Variants in HS2ST1 observed in about 807,000 individuals in gnomAD.
HS2ST1 encodes the protein 2-O-sulfotransferase.
In HS2ST1, 18 loss-of-function variants were observed where a neutral mutation model predicts 42.9. The observed-to-expected ratio is 0.42, with a 90% CI of 0.29 to 0.62. HS2ST1 has a LOEUF of 0.62. Ranked by LOEUF, HS2ST1 falls within the 20% of genes least tolerant of loss-of-function variation. HS2ST1 has a pLI of 0.21. For synonymous variants in HS2ST1, 146 were observed against 152.9 expected (o/e 0.95, Z 0.33); for missense variants, 334 against 433.8 (o/e 0.77, Z 2.04).
intron 1 of HS2ST1, among the ~76,000 whole-genome samples, chr1:87,004,762 T>TC (rs1161160531): frequency 2.6e-5 from 4 of 152,220 alleles, no homozygotes; most frequent in Admixed American, 2.6e-4. Context: ...CTATAGAGCT[T>TC]CAAGTTTTTT....
At chr1:86,962,054 T>C (rs561210921) in intron 1 of HS2ST1, among the ~76,000 whole-genome samples, 3 of 152,296 alleles carry the variant, frequency 2.0e-5, no homozygotes, top group Admixed American at 2.0e-4. Context: ...AATGCTGCCA[T>C]AAATGTTCTA....
intron 1 of HS2ST1, among the ~76,000 whole-genome samples, chr1:87,020,477 G>C (rs1030658921): frequency 6.6e-6 from 1 of 152,178 alleles, no homozygotes; most frequent in African/African-American, 2.4e-5. Context: ...CTCAAAAGGA[G>C]CATTGTATTT....
At chr1:87,061,301 A>G (rs1245628738) in intron 1 of HS2ST1, among the ~76,000 whole-genome samples, 1 of 152,158 alleles carries the variant, frequency 6.6e-6, no homozygotes, top group East Asian at 1.9e-4. Flanking sequence ...ATTCACTGGC[A>G]TTTGGAACAT....
intron 3 of HS2ST1, among the ~76,000 whole-genome samples, chr1:87,087,635 A>G (rs1651846470): frequency 6.6e-6 from 1 of 152,128 alleles, no homozygotes. Flanking sequence ...TAGTTAATAT[A>G]TAGAGTCATG....
chr1:86,976,588 C>G (rs1050625019), intron 1 of HS2ST1, among the ~76,000 whole-genome samples: 1 of 151,060 alleles, frequency 6.6e-6, no homozygotes, highest in Non-Finnish European at 1.5e-5. Flanking sequence ...CCACTTTTGA[C>G]AAATTCAATG....
chr1:87,071,233 T>C (rs1413926222), intron 1 of HS2ST1, among the ~76,000 whole-genome samples: 1 of 152,198 alleles, frequency 6.6e-6, no homozygotes, highest in Admixed American at 6.5e-5. Flanking sequence ...ATGGTGTCCA[T>C]ATCTTTTCAA....
At chr1:87,034,146 A>G (rs575200684) in intron 1 of HS2ST1, among the ~76,000 whole-genome samples, 1 of 152,362 alleles carries the variant, frequency 6.6e-6, no homozygotes, top group African/African-American at 2.4e-5. Context: ...TCAAAGTGTC[A>G]AAACAAAAAT....
In HS2ST1 at chr1:87,072,985, T is replaced by C. The variant is rs1469402875; in HGVS notation, c.176T>C (p.Met59Thr). 1.2e-6 allele frequency: 2 copies of C among 1,614,072 alleles called. No homozygotes were observed. Among genetic ancestry groups the C allele is most frequent in the East Asian group, 2.2e-5 (1 of 44,838 alleles). Residue 59 changes from methionine to threonine, a missense_variant, in exon 2 of 7, where the codon ATG (methionine) becomes ACG (threonine). By Grantham distance (81) the Met-to-Thr change is moderately conservative. Transcript: ENST00000370550. ...CGAGAAATTGAGCAGCGACATACAA[T>C]GGATGGCCCTCGGCAAGATGCCACT... Reference protein sequence around the residue: ...EVREIEQRHTMDGPRQDATLD... With the variant: ...EVREIEQRHTTDGPRQDATLD...
chr1:86,993,242 G>A (rs886481962), intron 1 of HS2ST1: 2 of 1,278,200 alleles, frequency 1.6e-6, no homozygotes, highest in African/African-American at 3.0e-5. Context: ...ACCATACTTA[G>A]AAATCTAAAA....
intron 1 of HS2ST1, among the ~76,000 whole-genome samples, chr1:86,953,861 A>C (rs147061144): frequency 7.9e-5 from 12 of 152,070 alleles, no homozygotes; most frequent in Admixed American, 7.2e-4. Context: ...GCCTAATTTC[A>C]ATATTGTTGT....
chr1:87,030,023 G>T (rs574533760), intron 1 of HS2ST1, among the ~76,000 whole-genome samples: 1 of 152,088 alleles, frequency 6.6e-6, no homozygotes, highest in African/African-American at 2.4e-5. Context: ...AGCAAAACAC[G>T]CTAGCACTTA....
chr1:87,097,954 G>T lies in HS2ST1; in HGVS notation c.686+19G>T. ...AATGCTGGTAGGGGAGATAAAGTTG[G>T]CTCAGATTGATTATCATCCTTATTA... On this transcript the variant is annotated intron_variant, in intron 5 of 6. Transcript: ENST00000370550. 1 of 1,613,652 alleles carries T rather than the reference G, an allele frequency of 6.2e-7. No homozygotes were observed. The highest frequency in any genetic ancestry group is 1.1e-5 in the South Asian group (1 of 91,064).
At chr1:86,956,178 G>T (rs1483718808) in intron 1 of HS2ST1, among the ~76,000 whole-genome samples, 1 of 134,844 alleles carries the variant, frequency 7.4e-6, no homozygotes, top group Non-Finnish European at 1.5e-5. Flanking sequence ...CAATTTTTTG[G>T]GGTTATTTAC....
At chr1:86,943,805 T>G (rs900078654) in intron 1 of HS2ST1, among the ~76,000 whole-genome samples, 1 of 151,570 alleles carries the variant, frequency 6.6e-6, no homozygotes, top group Non-Finnish European at 1.5e-5. Flanking sequence ...GCAGGTGGAT[T>G]ACCTGAGATC....
intron 1 of HS2ST1, among the ~76,000 whole-genome samples, chr1:86,988,964 A>C (rs1648867593): frequency 6.6e-6 from 1 of 152,234 alleles, no homozygotes; most frequent in African/African-American, 2.4e-5. Flanking sequence ...GTATTCCTAT[A>C]ACGAGACTGA....
chr1:86,973,082 G>T (rs1648283893), intron 1 of HS2ST1, among the ~76,000 whole-genome samples: 1 of 152,132 alleles, frequency 6.6e-6, no homozygotes. Flanking sequence ...GGTGGTTTCT[G>T]CTGGGTTTCT....
At chr1:86,971,411 T>G (rs1353690853) in intron 1 of HS2ST1, among the ~76,000 whole-genome samples, 5 of 152,310 alleles carry the variant, frequency 3.3e-5, no homozygotes, top group Admixed American at 2.6e-4. Context: ...TCCTTCTTAC[T>G]CTTATTTTTA....
chr1:87,004,673 A>G (rs931206555), intron 1 of HS2ST1, among the ~76,000 whole-genome samples: 2 of 152,202 alleles, frequency 1.3e-5, no homozygotes, highest in African/African-American at 4.8e-5. Flanking sequence ...CCATAGTTTG[A>G]TACGAGAATA....
At chr1:86,948,962 T>C (rs1029683209) in intron 1 of HS2ST1, among the ~76,000 whole-genome samples, 2 of 152,210 alleles carry the variant, frequency 1.3e-5, no homozygotes, top group African/African-American at 4.8e-5. Context: ...GTACCTGTTA[T>C]AAAATTTGGC....
Sources: allele counts gnomAD v4.1 joint callset (sites outside exome capture counted in the v4.1 genomes callset), GRCh38; gene constraint gnomAD v4.1.1; transcripts MANE v1.5; gene names NCBI Gene and HGNC (gene_info 2026-07-23, HGNC 2026-07-21).